Variants in FEZ1 observed in about 807,000 individuals in gnomAD.
The protein encoded by FEZ1 is fasciculation and elongation protein zeta-1.
A neutral mutation model predicts 49.3 loss-of-function variants in FEZ1; 20 were observed. That is an observed-to-expected ratio of 0.41 (90% CI 0.29 to 0.59). The LOEUF is 0.59. Among genes scored for constraint, FEZ1 ranks in the 20% least tolerant of loss-of-function variants. The pLI is 0.36. For missense variants in FEZ1, 413 were observed against 476.0 expected, an observed-to-expected ratio of 0.87 and a Z score of 1.23; for synonymous variants, 170 against 180.9, an observed-to-expected ratio of 0.94 and a Z score of 0.48.
At position 125,443,277 on chromosome 11, in the gene FEZ1, T is replaced by C. The variant is rs1956871251; in HGVS notation, c.*2818A>G. Among the ~76,000 whole-genome samples, 1 of 152,130 alleles carries C rather than the reference T, an allele frequency of 6.6e-6. No individual in the cohort carries two copies. The highest frequency in any genetic ancestry group is 2.1e-4 in the South Asian group (1 of 4,826). On this transcript the variant is annotated 3_prime_UTR_variant, in exon 10 of 10. Transcript: ENST00000278919. ...GAAAATCAGTTAATTCTTGGGACTCTTCTGTGAGGTTTCTACAATCCAGAA... is the reference window on the plus strand; with the variant it reads ...GAAAATCAGTTAATTCTTGGGACTCCTCTGTGAGGTTTCTACAATCCAGAA...
chr11:125,477,285 A>C (rs1445487156), intron 3 of FEZ1, among the ~76,000 whole-genome samples: 1 of 151,664 alleles, frequency 6.6e-6, no homozygotes, highest in East Asian at 1.9e-4. Flanking sequence ...ACTTGAGATC[A>C]GAAGTTCAAG....
At chr11:125,483,416 T>A (rs1957302088) in intron 2 of FEZ1, among the ~76,000 whole-genome samples, 2 of 152,188 alleles carry the variant, frequency 1.3e-5, no homozygotes, top group Non-Finnish European at 2.9e-5. Context: ...ACTCATCAAG[T>A]ACTCGTTAGC....
rs139178115 is a variant in FEZ1 at position 125,454,190 on chromosome 11, G to A, written c.960C>T (p.Ile320=). The part of the protein sequence containing the change: ...MPLKRFSMEG[I]SNILQSGIRQ... ...GGATGCCACTCTGCAGAATGTTGGA[G>A]ATGCCTTCCATGCTGAAGCGCTGTG... Residue 320 remains isoleucine (I), a synonymous_variant, in exon 7 of 10, where the codon ATC becomes ATT. Coordinates refer to ENST00000278919, the MANE Select transcript of FEZ1 (RefSeq NM_005103.5). The A allele has an allele frequency of 5.0e-6, 8 of 1,613,584 alleles. No individual in the cohort carries two copies. Among genetic ancestry groups the A allele is most frequent in the Admixed American group, 1.7e-5 (1 of 59,954 alleles).
rs147677117 is a variant in FEZ1 at position 125,452,542 on chromosome 11, C to G, written c.1021-133G>C. The G allele has an allele frequency of 4.0e-3, 2,493 of 624,256 alleles. 67 individuals carry two copies. The highest frequency in any genetic ancestry group is 0.038 in the South Asian group (1,846 of 49,192). 38.7% of individuals were successfully genotyped at this position (624,256 alleles called of 1,614,324 possible). On this transcript the variant is annotated intron_variant, in intron 7 of 9. Coordinates refer to ENST00000278919, the MANE Select transcript of FEZ1 (RefSeq NM_005103.5). The stretch of plus-strand genomic sequence containing the variant: ...AACATTCATGGTCACTGGTACGTCA[C>G]TGTTTCAGAACTTCTTACCCCTCTT...
intron 1 of FEZ1, among the ~76,000 whole-genome samples, chr11:125,490,994 T>C (rs1301354748): frequency 6.6e-6 from 1 of 152,158 alleles, no homozygotes; most frequent in Non-Finnish European, 1.5e-5. Flanking sequence ...CCTCAGGTGA[T>C]CTACCTGCCT....
At chr11:125,447,507 T>C (rs1956908886) in intron 9 of FEZ1, among the ~76,000 whole-genome samples, 1 of 152,248 alleles carries the variant, frequency 6.6e-6, no homozygotes, top group African/African-American at 2.4e-5. Flanking sequence ...AAACAGGGAA[T>C]ACTGATTGGA....
intron 5 of FEZ1, among the ~76,000 whole-genome samples, chr11:125,457,427 AAAATATATATATAT>A (rs1957023665): frequency 3.7e-5 from 1 of 27,204 alleles, no homozygotes; most frequent in Admixed American, 6.5e-4. Context: ...AAAAAAAAAA[AAAATATATATATAT>A]ATATATATAT....
Position 125,444,887 on chromosome 11 carries a change from C to T in FEZ1, c.*1208G>A, listed in dbSNP as rs1253244079. ...TCGGGATCATACTAGCACCTGTTTA[C>T]ACGTGGTGATGCTGTGATGTGTGCT... On this transcript the variant is annotated 3_prime_UTR_variant, in exon 10 of 10. Coordinates refer to ENST00000278919, the MANE Select transcript of FEZ1 (RefSeq NM_005103.5). Among the ~76,000 whole-genome samples, 1 of 152,200 alleles carries T rather than the reference C, an allele frequency of 6.6e-6. No individual in the cohort carries two copies. The highest frequency in any genetic ancestry group is 2.4e-5 in the African/African-American group (1 of 41,458).
intron 7 of FEZ1, chr11:125,452,717 G>T (rs187154563): frequency 2.0e-5 from 6 of 304,874 alleles, no homozygotes; most frequent in Admixed American, 9.7e-5. Context: ...AATCCAAGGG[G>T]ATTATATTTT....
chr11:125,476,638 CA>C (rs1257647624), intron 3 of FEZ1, among the ~76,000 whole-genome samples: 1 of 151,650 alleles, frequency 6.6e-6, no homozygotes, highest in East Asian at 1.9e-4. Flanking sequence ...CAGAAAGAAC[CA>C]AAAAAGTCAT....
At chr11:125,461,719 T>C (rs1258907617) in intron 4 of FEZ1, among the ~76,000 whole-genome samples, 1 of 152,354 alleles carries the variant, frequency 6.6e-6, no homozygotes, top group South Asian at 2.1e-4. Flanking sequence ...ACCTTCACCT[T>C]TGTCTGTTCT....
At chr11:125,469,511 C>T (rs1279555633) in intron 3 of FEZ1, among the ~76,000 whole-genome samples, 4 of 152,266 alleles carry the variant, frequency 2.6e-5, no homozygotes, top group South Asian at 4.1e-4. Flanking sequence ...TCACCTGCCT[C>T]GGCCTCCTAA....
intron 1 of FEZ1, 71 bp downstream of exon 1, chr11:125,496,050 T>C: frequency 6.1e-6 from 1 of 162,882 alleles, no homozygotes; most frequent in South Asian, 1.6e-4. Flanking sequence ...GGGGCCTCCT[T>C]ACCACCCCCA....
At chr11:125,473,195 C>CAT (rs1957198452) in intron 3 of FEZ1, among the ~76,000 whole-genome samples, 1 of 152,016 alleles carries the variant, frequency 6.6e-6, no homozygotes, top group African/African-American at 2.4e-5. Context: ...AAGACACACA[C>CAT]ATATATATAT....
Position 125,454,230 on chromosome 11 carries a change from A to G in FEZ1, c.940-20T>C. The G allele has an allele frequency of 6.3e-7, 1 of 1,599,874 alleles. No individual in the cohort carries two copies. Among genetic ancestry groups the G allele is most frequent in the South Asian group, 1.1e-5 (1 of 90,040 alleles). ...GAAGCGCTGTGGGGGAGAGAGACTC[A>G]AGAAGGGCAAATGCTTCTTGCTACA... On this transcript the variant is annotated intron_variant, in intron 6 of 9. Transcript: ENST00000278919.
chr11:125,493,508 G>GAGAAAGAAAGAAAGAAAGAAAGAA (rs1309003744), intron 1 of FEZ1, among the ~76,000 whole-genome samples: 1 of 65,968 alleles, frequency 1.5e-5, no homozygotes, highest in African/African-American at 5.9e-5. Context: ...GAAAGAAAGA[G>GAGAAAGAAAGAAAGAAAGAAAGAA]AGAAAGAAAG....
At chr11:125,487,913 TAC>T (rs796297255) in intron 2 of FEZ1, among the ~76,000 whole-genome samples, 5 of 152,310 alleles carry the variant, frequency 3.3e-5, no homozygotes, top group African/African-American at 9.6e-5. Flanking sequence ...CTCTCCCAAA[TAC>T]AGTCAGGTTC....
rs766854281 is a variant in FEZ1 at position 125,463,568 on chromosome 11, G to C, written c.414C>G (p.Ile138Met). ...TGAACTCTTCCTCTTCTTTCTCATG[G>C]ATCTGGAGAGGAGGTGGGGAGATGG... ...ALNGNCSDTEIHEKEEEEFNE... is the reference protein window; with the variant it reads ...ALNGNCSDTEMHEKEEEEFNE... Residue 138 changes from isoleucine (I) to methionine (M), a missense_variant and splice_region_variant, in exon 4 of 10, where the codon ATC becomes ATG. Ile to Met is a conservative substitution (Grantham distance 10). Coordinates refer to ENST00000278919, the MANE Select transcript of FEZ1 (RefSeq NM_005103.5). 1.3e-6 allele frequency: 2 copies of C among 1,596,574 alleles called. No homozygotes were observed. Among genetic ancestry groups the C allele is most frequent in the African/African-American group, 2.7e-5 (2 of 74,568 alleles).
intron 5 of FEZ1, among the ~76,000 whole-genome samples, chr11:125,459,777 A>G (rs1293074749): frequency 1.3e-5 from 2 of 152,234 alleles, no homozygotes; most frequent in African/African-American, 4.8e-5. Flanking sequence ...GTTGGTGTGA[A>G]GATGAAATGA....
Sources: gnomAD v4.1 joint callset for allele counts (sites outside exome capture counted in the v4.1 genomes callset) on GRCh38, gnomAD v4.1.1 for gene constraint, MANE v1.5 for transcripts, NCBI Gene and HGNC (gene_info 2026-07-23, HGNC 2026-07-21) for gene names.